HS3ST3A1: variants seen among roughly 807,000 people sequenced by gnomAD.
The protein encoded by HS3ST3A1 is heparan sulfate-glucosamine 3-sulfotransferase 3A1, also known as heparan sulfate glucosamine 3-O-sulfotransferase 3A1.
In HS3ST3A1, 19 loss-of-function variants were observed where a neutral mutation model predicts 25.7. The ratio of observed to expected loss-of-function variants is 0.74; its 90% CI spans 0.52 to 1.08. The LOEUF (loss-of-function observed/expected upper bound fraction) is 1.08, where lower values mean the gene tolerates loss of function less well. Ranked by LOEUF, HS3ST3A1 falls within the 50% of genes least tolerant of loss-of-function variation. HS3ST3A1 has a pLI of 0.00. For missense variants in HS3ST3A1, 459 were observed against 594.3 expected (o/e 0.77, Z 2.37); for synonymous variants, 226 against 278.6 (o/e 0.81, Z 1.88).
At chr17:13,512,127 G>A (rs1157544261) in intron 1 of HS3ST3A1, among the ~76,000 whole-genome samples, 2 of 151,806 alleles carry the variant, frequency 1.3e-5, no homozygotes, top group Non-Finnish European at 2.9e-5. Flanking sequence ...GTGAAACCCC[G>A]TCTCTACTAA....
intron 1 of HS3ST3A1, among the ~76,000 whole-genome samples, chr17:13,581,996 G>A (rs1908127250): frequency 6.6e-6 from 1 of 152,150 alleles, no homozygotes; most frequent in Admixed American, 6.5e-5. Flanking sequence ...TGAGAACGGT[G>A]TGAAATTTTC....
At chr17:13,548,012 C>G (rs962543041) in intron 1 of HS3ST3A1, among the ~76,000 whole-genome samples, 1 of 151,504 alleles carries the variant, frequency 6.6e-6, no homozygotes, top group South Asian at 2.1e-4. Context: ...GCACAGTAGT[C>G]CTGATTATTT....
chr17:13,543,817 C>A (rs184685574), intron 1 of HS3ST3A1, among the ~76,000 whole-genome samples: 1 of 152,102 alleles, frequency 6.6e-6, no homozygotes, highest in Non-Finnish European at 1.5e-5. Context: ...TCATAAATAA[C>A]CATCGATCTG....
At chr17:13,592,132 C>T (rs1310882821) in intron 1 of HS3ST3A1, among the ~76,000 whole-genome samples, 1 of 152,158 alleles carries the variant, frequency 6.6e-6, no homozygotes, top group African/African-American at 2.4e-5. Context: ...ATCACAGAGA[C>T]CATTCACCCC....
At chr17:13,536,601 C>T (rs185276890) in intron 1 of HS3ST3A1, among the ~76,000 whole-genome samples, 7 of 152,300 alleles carry the variant, frequency 4.6e-5, no homozygotes, top group African/African-American at 9.6e-5. Context: ...TAACTGACCA[C>T]GCCCACGTTT....
chr17:13,541,705 G>A (rs922708820), intron 1 of HS3ST3A1, among the ~76,000 whole-genome samples: 3 of 152,118 alleles, frequency 2.0e-5, no homozygotes, highest in African/African-American at 7.2e-5. Flanking sequence ...TGTTGTTTAG[G>A]TTGAGCCTTT....
chr17:13,539,314 C>A (rs1906860487), intron 1 of HS3ST3A1, among the ~76,000 whole-genome samples: 3 of 152,188 alleles, frequency 2.0e-5, no homozygotes, highest in Non-Finnish European at 4.4e-5. Context: ...TTCCATGATT[C>A]CGTATCTGGA....
chr17:13,519,173 T>C (rs1332036852), intron 1 of HS3ST3A1, among the ~76,000 whole-genome samples: 1 of 152,224 alleles, frequency 6.6e-6, no homozygotes, highest in African/African-American at 2.4e-5. Flanking sequence ...CTTTGATCCA[T>C]TTTCTCTGCT....
Position 13,545,368 on chromosome 17 carries a change from C to T in HS3ST3A1, c.600-48550G>A, listed in dbSNP as rs1044736656. Among the ~76,000 whole-genome samples the T allele has an allele frequency of 2.0e-5, 3 of 152,240 alleles. No individual in the cohort carries two copies. The East Asian group carries it at 5.8e-4, about 29-fold the overall frequency. ...CAGGGGACTCTTCCCCCAGTAACTCCTCACAGAGGTTGCTTCTCATCGTGG... is the reference window on the plus strand; with the variant it reads ...CAGGGGACTCTTCCCCCAGTAACTCTTCACAGAGGTTGCTTCTCATCGTGG... On this transcript the variant is annotated intron_variant, in intron 1 of 1. Transcript: ENST00000284110.
At chr17:13,597,711 TTTTC>T (rs1252052412) in intron 1 of HS3ST3A1, among the ~76,000 whole-genome samples, 2 of 152,312 alleles carry the variant, frequency 1.3e-5, no homozygotes, top group South Asian at 2.1e-4. Context: ...ATAATAAATA[TTTTC>T]TTTATCTTTA....
chr17:13,523,398 G>T (rs940681146), intron 1 of HS3ST3A1, among the ~76,000 whole-genome samples: 10 of 152,160 alleles, frequency 6.6e-5, no homozygotes, highest in Non-Finnish European at 1.5e-4. Flanking sequence ...GCCCACATTT[G>T]GGGGAAAATT....
chr17:13,544,865 G>A (rs538767569), intron 1 of HS3ST3A1, among the ~76,000 whole-genome samples: 2 of 152,216 alleles, frequency 1.3e-5, no homozygotes, highest in Admixed American at 6.5e-5. Flanking sequence ...TCAATTGGGC[G>A]TTGTGCTAAT....
At chr17:13,550,707 A>AAACAACAAC (rs150129442) in intron 1 of HS3ST3A1, among the ~76,000 whole-genome samples, 88 of 151,382 alleles carry the variant, frequency 5.8e-4, no homozygotes, top group Middle Eastern at 3.4e-3. Flanking sequence ...GCAAACACCA[A>AAACAACAAC]AACAACAACA....
chr17:13,513,314 A>G (rs915412831), intron 1 of HS3ST3A1, among the ~76,000 whole-genome samples: 1 of 152,232 alleles, frequency 6.6e-6, no homozygotes, highest in Non-Finnish European at 1.5e-5. Context: ...CTTTCAGCAC[A>G]GGAAAACGAA....
rs568028982 is a variant in HS3ST3A1, at chr17:13,528,521, T to A, written c.600-31703A>T. ...GCGATCTTTGCTCCAGAGTTCCCCATTGGTCTGGCAGAGACTGTCAGGTCT... is the reference window on the plus strand; with the variant it reads ...GCGATCTTTGCTCCAGAGTTCCCCAATGGTCTGGCAGAGACTGTCAGGTCT... On this transcript the variant is annotated intron_variant, in intron 1 of 1. Coordinates refer to ENST00000284110, the MANE Select transcript of HS3ST3A1 (RefSeq NM_006042.3). Among the ~76,000 whole-genome samples, 12 of 152,272 alleles carry A rather than the reference T, an allele frequency of 7.9e-5. No homozygotes were observed. In the East Asian group the frequency reaches 2.3e-3, roughly 30 times the overall value.
At chr17:13,547,997 A>C in intron 1 of HS3ST3A1, among the ~76,000 whole-genome samples, 1 of 152,018 alleles carries the variant, frequency 6.6e-6, no homozygotes, top group East Asian at 1.9e-4. Context: ...GTGTTATTAA[A>C]CACAGCACAG....
chr17:13,593,993 C>A (rs79350445), intron 1 of HS3ST3A1, among the ~76,000 whole-genome samples: 2,186 of 152,294 alleles, frequency 0.014, 19 homozygotes, highest in Middle Eastern at 0.024. Flanking sequence ...CTCCCCACAT[C>A]TGGGATAGCT....
intron 1 of HS3ST3A1, among the ~76,000 whole-genome samples, chr17:13,507,082 A>C (rs566783396): frequency 0.042 from 6,225 of 146,704 alleles, 270 homozygotes; most frequent in African/African-American, 0.12. Context: ...AAAAAAAAAA[A>C]AAAACAAAAA....
intron 1 of HS3ST3A1, among the ~76,000 whole-genome samples, chr17:13,518,153 T>C (rs2142314946): frequency 6.6e-6 from 1 of 152,262 alleles, no homozygotes; most frequent in Admixed American, 6.5e-5. Flanking sequence ...CAAATTTAAT[T>C]TACAGAAATT....
Sources: allele counts gnomAD v4.1 joint callset (sites outside exome capture counted in the v4.1 genomes callset), GRCh38; gene constraint gnomAD v4.1.1; transcripts MANE v1.5; gene names NCBI Gene and HGNC (gene_info 2026-07-23, HGNC 2026-07-21).